FANCB: variants seen among roughly 807,000 people sequenced by gnomAD.
FANCB encodes FA complementation group B, also known as Fanconi anemia group B protein.
A neutral mutation model predicts 38.9 loss-of-function variants in FANCB; 5 were observed. The observed-to-expected ratio is 0.13, with a 90% confidence interval of 0.07 to 0.27. The LOEUF is 0.27. Ranked by LOEUF, FANCB falls within the 10% of genes least tolerant of loss-of-function variation. The pLI, the probability that FANCB is intolerant of heterozygous loss-of-function variation, is 1.00. For synonymous variants in FANCB, 236 were observed against 215.4 expected (o/e 1.10, Z -0.84); for missense variants, 573 against 602.7 (o/e 0.95, Z 0.52).
chrX:14,730,232 G>A, the FANCB span: 24 of 1,201,005 alleles, frequency 2.0e-5, no homozygotes, highest in African/African-American at 3.0e-4. Context: ...CGTGAAAGTC[G>A]TTTTAATTTT....
chrX:14,721,609 C>G, the FANCB span, among the ~76,000 whole-genome samples: 3 of 111,430 alleles, frequency 2.7e-5, no homozygotes, highest in Non-Finnish European at 5.6e-5. Flanking sequence ...TCAGGTACTG[C>G]TTTAGATATT....
At chrX:14,709,078 C>T in the FANCB span, among the ~76,000 whole-genome samples, 1 of 111,321 alleles carries the variant, frequency 9.0e-6, no homozygotes, top group Middle Eastern at 4.6e-3. Flanking sequence ...TCTTTGAAAA[C>T]GAAAGGGAGA....
At chrX:14,783,780 C>T in the FANCB span, among the ~76,000 whole-genome samples, 4 of 112,763 alleles carry the variant, frequency 3.5e-5, no homozygotes, top group South Asian at 1.1e-3. Context: ...TGTTTGGATG[C>T]TTGCCCCATT....
intron 6 of FANCB, among the ~76,000 whole-genome samples, chrX:14,852,483 G>A (rs1299888571): frequency 9.0e-6 from 1 of 110,894 alleles, no homozygotes; most frequent in Non-Finnish European, 1.9e-5. Flanking sequence ...AGGATCTTAT[G>A]ATGATCAGCC....
At chrX:14,696,987 C>T in the FANCB span, among the ~76,000 whole-genome samples, 5 of 110,478 alleles carry the variant, frequency 4.5e-5, no homozygotes, top group Non-Finnish European at 3.8e-5. Context: ...TAATTATCAC[C>T]GATGGTTGAA....
chrX:14,807,963 T>A, the FANCB span, among the ~76,000 whole-genome samples: 1 of 110,348 alleles, frequency 9.1e-6, no homozygotes, highest in Non-Finnish European at 1.9e-5. Flanking sequence ...AAGAAGAAAA[T>A]CTGGAAAAAA....
At chrX:14,693,767 A>G in the FANCB span, among the ~76,000 whole-genome samples, 1 of 112,190 alleles carries the variant, frequency 8.9e-6, no homozygotes, top group East Asian at 2.8e-4. Context: ...GCTAAAAATC[A>G]ATGGTACAAA....
chrX:14,752,885 T>A, the FANCB span, among the ~76,000 whole-genome samples: 4 of 109,346 alleles, frequency 3.7e-5, no homozygotes, highest in African/African-American at 1.3e-4. Context: ...CCCAGACTGC[T>A]CAATTTTTAC....
chrX:14,857,983 C>G (rs1275134276), intron 4 of FANCB, 29 bp from the exon 5 acceptor site: 1 of 914,040 alleles, frequency 1.1e-6, no homozygotes, highest in Non-Finnish European at 1.6e-6. Context: ...AATAAATACA[C>G]TAAGACTGAA....
the FANCB span, among the ~76,000 whole-genome samples, chrX:14,725,002 C>G: frequency 1.8e-5 from 2 of 111,363 alleles, no homozygotes; most frequent in African/African-American, 3.3e-5. Flanking sequence ...CAAATCAAAC[C>G]CAGAGACTTT....
At chrX:14,789,627 C>T in the FANCB span, among the ~76,000 whole-genome samples, 1 of 111,990 alleles carries the variant, frequency 8.9e-6, no homozygotes, top group Non-Finnish European at 1.9e-5. Context: ...GTCATGCTCC[C>T]TCACACTCAG....
At chrX:14,792,867 T>C in the FANCB span, among the ~76,000 whole-genome samples, 3 of 111,978 alleles carry the variant, frequency 2.7e-5, no homozygotes. Context: ...GATTTTATTA[T>C]GATATCTGAC....
the FANCB span, among the ~76,000 whole-genome samples, chrX:14,707,757 G>GGTGTGTGTGTGT: frequency 3.4e-3 from 363 of 106,200 alleles, no homozygotes; most frequent in African/African-American, 0.01. Context: ...CAGCAAAAAA[G>GGTGTGTGTGTGT]GTGTGTGTGT....
At chrX:14,788,925 T>G in the FANCB span, among the ~76,000 whole-genome samples, 2 of 111,763 alleles carry the variant, frequency 1.8e-5, no homozygotes, top group African/African-American at 6.5e-5. Flanking sequence ...AAGGTGATCT[T>G]TCTTCAAACA....
At chrX:14,870,470 G>A (rs929356164) in intron 1 of FANCB, among the ~76,000 whole-genome samples, 3 of 111,110 alleles carry the variant, frequency 2.7e-5, no homozygotes, top group Non-Finnish European at 3.8e-5. Context: ...GGGGCGGGGC[G>A]TGGAGACCAG....
chrX:14,797,689 AAAAGAG>A, the FANCB span, among the ~76,000 whole-genome samples: 2 of 100,270 alleles, frequency 2.0e-5, no homozygotes, highest in African/African-American at 8.8e-5. Context: ...TAAAAAAAAA[AAAAGAG>A]AGAGAGAGAG....
At chrX:14,794,869 T>C in the FANCB span, among the ~76,000 whole-genome samples, 1 of 112,068 alleles carries the variant, frequency 8.9e-6, no homozygotes, top group Non-Finnish European at 1.9e-5. Flanking sequence ...GGGAAGGTAA[T>C]AAAAGGTGCG....
downstream of FANCB, among the ~76,000 whole-genome samples, chrX:14,842,313 A>G (rs189906337): frequency 9.0e-6 from 1 of 111,723 alleles, no homozygotes; most frequent in East Asian, 2.8e-4. Flanking sequence ...ATATTCTCTA[A>G]AAACCATGTG....
At chrX:14,745,474 A>G in the FANCB span, among the ~76,000 whole-genome samples, 1 of 110,383 alleles carries the variant, frequency 9.1e-6, no homozygotes, top group Non-Finnish European at 1.9e-5. Context: ...TTATGCAGGA[A>G]TCCAGGGTGC....
Sources: gnomAD v4.1 joint callset for allele counts (sites outside exome capture counted in the v4.1 genomes callset) on GRCh38, gnomAD v4.1.1 for gene constraint, MANE v1.5 for transcripts, NCBI Gene and HGNC (gene_info 2026-07-23, HGNC 2026-07-21) for gene names.